The following GRID2 variants were observed in gnomAD, a reference collection of about 807,000 sequenced individuals.
The protein encoded by GRID2 is glutamate ionotropic receptor delta type subunit 2.
In GRID2, 33 loss-of-function variants were observed where a neutral mutation model predicts 114.8. The ratio of observed to expected loss-of-function variants is 0.29; its 90% CI spans 0.22 to 0.38. The LOEUF (loss-of-function observed/expected upper bound fraction) is 0.38. GRID2 is among the 10% of genes least tolerant of loss of function. The pLI is 1.00. For synonymous variants in GRID2, 505 were observed against 449.9 expected, an observed-to-expected ratio of 1.12 and a Z score of -1.55; for missense variants, 1,184 against 1,257.7, an observed-to-expected ratio of 0.94 and a Z score of 0.89.
intron 1 of GRID2, among the ~76,000 whole-genome samples, chr4:92,353,193 T>C (rs1728154935): frequency 6.6e-6 from 1 of 151,866 alleles, no homozygotes; most frequent in African/African-American, 2.4e-5. Flanking sequence ...TTTTATCTCT[T>C]TACTTTTAGT....
chr4:92,491,695 G>GTA, intron 1 of GRID2, among the ~76,000 whole-genome samples: 1 of 152,154 alleles, frequency 6.6e-6, no homozygotes, highest in African/African-American at 2.4e-5. Context: ...GGGTGTGTGT[G>GTA]TGTGTGTGTA....
intron 9 of GRID2, among the ~76,000 whole-genome samples, chr4:93,407,427 T>A (rs1009945852): frequency 2.6e-5 from 4 of 152,288 alleles, no homozygotes; most frequent in Admixed American, 2.6e-4. Context: ...TACTTTTTTA[T>A]AATATGTTCC....
chr4:93,081,714 A>T (rs1298627491), intron 2 of GRID2, among the ~76,000 whole-genome samples: 1 of 152,296 alleles, frequency 6.6e-6, no homozygotes, highest in East Asian at 1.9e-4. Flanking sequence ...TATGCCATTG[A>T]GATGTCATAG....
At chr4:92,885,749 T>C (rs1035146511) in intron 2 of GRID2, among the ~76,000 whole-genome samples, 2 of 152,240 alleles carry the variant, frequency 1.3e-5, no homozygotes, top group Non-Finnish European at 2.9e-5. Context: ...CTTTCAGTTG[T>C]AATTCTGGCC....
chr4:92,938,742 G>T (rs1286484316), intron 2 of GRID2, among the ~76,000 whole-genome samples: 1 of 137,640 alleles, frequency 7.3e-6, no homozygotes, highest in Non-Finnish European at 1.6e-5. Context: ...AGTCCCCAGA[G>T]TGTGATGTTC....
At chr4:92,334,586 G>T (rs770616233) in intron 1 of GRID2, among the ~76,000 whole-genome samples, 3 of 145,602 alleles carry the variant, frequency 2.1e-5, no homozygotes, top group Non-Finnish European at 4.5e-5. Context: ...GTCTCAACTC[G>T]TTTTTTTTTT....
At chr4:92,703,645 A>ATATAT (rs1734794212) in intron 2 of GRID2, among the ~76,000 whole-genome samples, 1 of 146,426 alleles carries the variant, frequency 6.8e-6, no homozygotes, top group Non-Finnish European at 1.5e-5. Flanking sequence ...ATATATATAT[A>ATATAT]AAATCATGAG....
chr4:92,536,299 T>C (rs1725628156), intron 1 of GRID2, among the ~76,000 whole-genome samples: 2 of 152,114 alleles, frequency 1.3e-5, no homozygotes, highest in South Asian at 2.1e-4. Flanking sequence ...AGAGTGCTGA[T>C]TGGTGTGTTT....
At chr4:92,476,819 A>C (rs1579433400) in intron 1 of GRID2, among the ~76,000 whole-genome samples, 2 of 152,158 alleles carry the variant, frequency 1.3e-5, no homozygotes, top group Admixed American at 6.6e-5. Flanking sequence ...GTGTTGCATA[A>C]TGATGGAATT....
intron 2 of GRID2, among the ~76,000 whole-genome samples, chr4:93,081,571 A>G (rs934252543): frequency 2.0e-5 from 3 of 152,176 alleles, no homozygotes; most frequent in African/African-American, 7.2e-5. Context: ...CATCTTTGGT[A>G]GTGACAGAAT....
chr4:92,304,774 A>T lies in GRID2; in HGVS notation c.88+30A>T, dbSNP rs114432116. ...GAAAGTGTTGGTGCAGCTCGTGGTTACTTTTACCGTTTCAGTTCTCAAATG... is the reference window on the plus strand; with the variant it reads ...GAAAGTGTTGGTGCAGCTCGTGGTTTCTTTTACCGTTTCAGTTCTCAAATG... On this transcript the variant is annotated intron_variant, in intron 1 of 15. Coordinates refer to ENST00000282020, the MANE Select transcript of GRID2 (RefSeq NM_001510.4). The T allele has an allele frequency of 1.5e-3, 2,280 of 1,471,020 alleles. 32 individuals are homozygous for T. In the African/African-American group the frequency reaches 0.028, roughly 18 times the overall value. The allele number at this position is 1,471,020 out of a possible 1,614,324, so 91.1% of individuals were successfully genotyped here.
intron 2 of GRID2, among the ~76,000 whole-genome samples, chr4:92,644,446 G>GTT (rs1731513724): frequency 6.6e-6 from 1 of 151,686 alleles, no homozygotes; most frequent in Non-Finnish European, 1.5e-5. Context: ...GAAGTAAATA[G>GTT]TTGTCAGGCT....
intron 3 of GRID2, among the ~76,000 whole-genome samples, chr4:93,105,749 C>T (rs1264682028): frequency 6.6e-6 from 1 of 152,206 alleles, no homozygotes; most frequent in African/African-American, 2.4e-5. Flanking sequence ...TCAACACATT[C>T]TTCAGGAGTT....
chr4:92,378,815 A>G (rs955173532), intron 1 of GRID2, among the ~76,000 whole-genome samples: 2 of 151,994 alleles, frequency 1.3e-5, no homozygotes, highest in African/African-American at 2.4e-5. Flanking sequence ...TTCATTTGCT[A>G]CCTGTTAATG....
intron 14 of GRID2, among the ~76,000 whole-genome samples, chr4:93,736,893 C>A (rs1036042768): frequency 3.2e-4 from 48 of 150,848 alleles, no homozygotes; most frequent in African/African-American, 1.1e-3. Flanking sequence ...CATCAATGAG[C>A]CCAAAACCTG....
At chr4:92,714,109 C>T (rs1735414212) in intron 2 of GRID2, among the ~76,000 whole-genome samples, 1 of 152,146 alleles carries the variant, frequency 6.6e-6, no homozygotes, top group Non-Finnish European at 1.5e-5. Flanking sequence ...TTCCTAGATA[C>T]AATGGAGGTA....
chr4:93,442,317 G>T (rs1252908718), intron 10 of GRID2, among the ~76,000 whole-genome samples: 27 of 151,968 alleles, frequency 1.8e-4, no homozygotes, highest in Non-Finnish European at 8.8e-5. Context: ...CCTTCAGATG[G>T]CCTCTTAGAA....
At chr4:93,348,648 T>C (rs1003738779) in intron 8 of GRID2, among the ~76,000 whole-genome samples, 7 of 152,046 alleles carry the variant, frequency 4.6e-5, no homozygotes, top group South Asian at 4.2e-4. Flanking sequence ...CCTCTAGAAT[T>C]TGGGGGACAT....
chr4:93,132,690 TG>T (rs2149377150), intron 4 of GRID2, among the ~76,000 whole-genome samples: 1 of 152,302 alleles, frequency 6.6e-6, no homozygotes, highest in East Asian at 1.9e-4. Flanking sequence ...TAATTCTAAT[TG>T]GCAAAGGAAT....
Sources: gnomAD v4.1 joint callset for allele counts (sites outside exome capture counted in the v4.1 genomes callset) on GRCh38, gnomAD v4.1.1 for gene constraint, MANE v1.5 for transcripts, NCBI Gene and HGNC (gene_info 2026-07-23, HGNC 2026-07-21) for gene names.